CYFIP1: variants seen among roughly 807,000 people sequenced by gnomAD.
CYFIP1 encodes cytoplasmic FMR1-interacting protein 1.
Under a neutral mutation model 163.5 loss-of-function variants are expected in CYFIP1, and 58 were observed. The ratio of observed to expected loss-of-function variants is 0.35; its 90% CI spans 0.29 to 0.44. The LOEUF is 0.44. Among genes scored for constraint, CYFIP1 ranks in the 20% least tolerant of loss-of-function variants. The pLI, the probability that CYFIP1 is intolerant of heterozygous loss-of-function variation, is 1.00. For missense variants in CYFIP1, 1,338 were observed against 1,653.8 expected (o/e 0.81, Z 3.31); for synonymous variants, 663 against 660.7 (o/e 1.00, Z -0.05).
chr15:22,949,410 AG>A (rs922302729), intron 1 of CYFIP1, among the ~76,000 whole-genome samples: 2 of 152,144 alleles, frequency 1.3e-5, no homozygotes, highest in African/African-American at 4.8e-5. Flanking sequence ...TGGGCAGAGG[AG>A]GAAAACAAAG....
intron 26 of CYFIP1, 137 bp from the exon 27 acceptor site, chr15:22,875,408 T>C (rs986843042): frequency 2.6e-6 from 2 of 780,696 alleles, no homozygotes; most frequent in Non-Finnish European, 4.4e-6. Flanking sequence ...TCAAGAGATT[T>C]CTGGGATGAT....
chr15:22,974,348 A>T (rs1393962810), intron 1 of CYFIP1, among the ~76,000 whole-genome samples: 1 of 152,194 alleles, frequency 6.6e-6, no homozygotes, highest in African/African-American at 2.4e-5. Flanking sequence ...TCAGGAGGAA[A>T]GGAGGATTGC....
chr15:22,939,984 T>G (rs952825121), intron 6 of CYFIP1, among the ~76,000 whole-genome samples: 1 of 152,194 alleles, frequency 6.6e-6, no homozygotes, highest in African/African-American at 2.4e-5. Flanking sequence ...CAGGGACCAC[T>G]GGTGTCCAAG....
intron 22 of CYFIP1, among the ~76,000 whole-genome samples, chr15:22,896,569 C>G (rs2060243908): frequency 6.6e-6 from 1 of 151,962 alleles, no homozygotes; most frequent in African/African-American, 2.4e-5. Context: ...GTTATAATCT[C>G]AAACTCACTC....
intron 3 of CYFIP1, 157 bp downstream of exon 3, chr15:22,946,846 A>G: frequency 1.3e-6 from 1 of 749,900 alleles, no homozygotes; most frequent in Non-Finnish European, 2.4e-6. Context: ...TTACACTAAG[A>G]AAAGCAAAGA....
chr15:22,978,350 CACAAAAAAAAAAAAAAAA>C lies in CYFIP1; in HGVS notation c.-7+1919_-7+1936del, dbSNP rs1006798979. 2.2e-4 allele frequency among the ~76,000 whole-genome samples: 5 copies of C among 22,586 alleles called. No individual in the cohort carries two copies. In the Admixed American group the frequency reaches 2.9e-3, roughly 13 times the overall value. 14.8% of individuals were successfully genotyped at this position (22,586 alleles called of 152,430 possible). ...CTGGGCCACAGAGTTAAGACTCTGT[CACAAAAAAAAAAAAAAAA>C]AAAAAAAAAAAAAAGGAATACTATA... On this transcript the variant is annotated intron_variant, in intron 1 of 30. Transcript: ENST00000617928.
chr15:22,909,063 A>G (rs991239802), intron 21 of CYFIP1, 131 bp downstream of exon 21: 1 of 1,158,564 alleles, frequency 8.6e-7, no homozygotes, highest in African/African-American at 1.5e-5. Flanking sequence ...CAGTGAGTGC[A>G]TCTCTTTTAT....
chr15:22,875,075 G>T (rs953809277), intron 27 of CYFIP1, 124 bp downstream of exon 27: 1 of 814,462 alleles, frequency 1.2e-6, no homozygotes, highest in Non-Finnish European at 2.1e-6. Flanking sequence ...CATTACCCCT[G>T]GGTATGACTG....
At chr15:22,878,760 G>A (rs1324191766) in intron 26 of CYFIP1, among the ~76,000 whole-genome samples, 2 of 150,898 alleles carry the variant, frequency 1.3e-5, no homozygotes, top group Non-Finnish European at 2.9e-5. Flanking sequence ...CACTATCAGA[G>A]TGAAAAGGTA....
Position 22,939,404 on chromosome 15 carries a change from G to C in CYFIP1, c.666+7C>G, listed in dbSNP as rs1224652860. The C allele has an allele frequency of 6.4e-7, 1 of 1,572,864 alleles. No individual in the cohort carries two copies. The highest frequency in any genetic ancestry group is 1.7e-5 in the Admixed American group (1 of 58,550). On this transcript the variant is annotated splice_region_variant and intron_variant, in intron 7 of 30. Transcript: ENST00000617928. ...CATCAACCTGAGTGTGCAAACACCA[G>C]CCTTACCTGTGTGATCTTGTTATGA...
chr15:22,979,250 A>T (rs2063383369), intron 1 of CYFIP1, among the ~76,000 whole-genome samples: 1 of 152,010 alleles, frequency 6.6e-6, no homozygotes, highest in Non-Finnish European at 1.5e-5. Flanking sequence ...ACCGCTGGCC[A>T]CCCGCAGGGA....
At chr15:22,875,407 T>C in intron 26 of CYFIP1, 136 bp from the exon 27 acceptor site, 1 of 786,412 alleles carries the variant, frequency 1.3e-6, no homozygotes, top group Non-Finnish European at 2.2e-6. Flanking sequence ...GTCAAGAGAT[T>C]TCTGGGATGA....
chr15:22,979,302 C>T (rs2063385918), intron 1 of CYFIP1, among the ~76,000 whole-genome samples: 1 of 152,106 alleles, frequency 6.6e-6, no homozygotes, highest in Non-Finnish European at 1.5e-5. Context: ...CCGGCCTGGC[C>T]GGGACTCTGC....
At chr15:22,930,904 C>T (rs965286971) in intron 11 of CYFIP1, among the ~76,000 whole-genome samples, 3 of 152,170 alleles carry the variant, frequency 2.0e-5, no homozygotes, top group Non-Finnish European at 4.4e-5. Context: ...TTCATAAAGG[C>T]CACAGCAGTG....
chr15:22,867,335 A>ATATT lies in CYFIP1; in HGVS notation c.*2689_*2692dup, dbSNP rs1357513271. The ATATT allele has an allele frequency of 3.0e-5, 12 of 396,404 alleles. No individual in the cohort carries two copies. The highest frequency in any genetic ancestry group is 5.3e-5 in the Non-Finnish European group (12 of 225,054). The allele number at this position is 396,404 out of a possible 1,614,324, so 24.6% of individuals were successfully genotyped here. ...GATGATGATTGGTTTTATTTTTGAA[A>ATATT]TATTTATTAAGGGAAAACTAAGTTA... On this transcript the variant is annotated 3_prime_UTR_variant, in exon 31 of 31. Coordinates refer to ENST00000617928, the MANE Select transcript of CYFIP1 (RefSeq NM_014608.6).
chr15:22,887,261 T>G (rs2059950408), intron 23 of CYFIP1, among the ~76,000 whole-genome samples: 1 of 152,160 alleles, frequency 6.6e-6, no homozygotes, highest in Admixed American at 6.5e-5. Flanking sequence ...CAAAACTGAT[T>G]ACAGTGACGA....
intron 1 of CYFIP1, among the ~76,000 whole-genome samples, chr15:22,974,304 G>A (rs2063195444): frequency 6.6e-6 from 1 of 152,104 alleles, no homozygotes; most frequent in Non-Finnish European, 1.5e-5. Context: ...AGCAAGGCCG[G>A]GCCTGGTGGC....
chr15:22,875,885 C>CATATATATATATAT lies in CYFIP1; in HGVS notation c.3043-615_3043-614insATATATATATATAT, dbSNP rs10640110. 8.7e-3 allele frequency among the ~76,000 whole-genome samples: 1,144 copies of CATATATATATATAT among 130,844 alleles called. 24 individuals carry two copies. Among genetic ancestry groups the CATATATATATATAT allele is most frequent in the Non-Finnish European group, 0.013 (781 of 61,616 alleles). 85.8% of individuals were successfully genotyped at this position (130,844 alleles called of 152,430 possible). On this transcript the variant is annotated intron_variant, in intron 26 of 30. Coordinates refer to ENST00000617928, the MANE Select transcript of CYFIP1 (RefSeq NM_014608.6). ...ACACAAGGTCCGTTCTCCAGAATAA[C>CATATATATATATAT]ATATATATATATAAAGAAAATGTAC...
intron 9 of CYFIP1, among the ~76,000 whole-genome samples, chr15:22,934,742 C>T (rs961877438): frequency 7.2e-5 from 11 of 151,932 alleles, no homozygotes; most frequent in Non-Finnish European, 1.6e-4. Flanking sequence ...TCGTGATCCA[C>T]CCGCCTCGGC....
Sources: allele counts gnomAD v4.1 joint callset (sites outside exome capture counted in the v4.1 genomes callset), GRCh38; gene constraint gnomAD v4.1.1; transcripts MANE v1.5; gene names NCBI Gene and HGNC (gene_info 2026-07-23, HGNC 2026-07-21).